Variants in ZW10 observed in about 807,000 individuals in gnomAD.
ZW10 encodes the protein centromere/kinetochore protein zw10 homolog.
A neutral mutation model predicts 87.8 loss-of-function variants in ZW10; 53 were observed. The ratio of observed to expected loss-of-function variants is 0.60; its 90% CI spans 0.48 to 0.76. The LOEUF is 0.76. Among genes scored for constraint, ZW10 ranks in the 30% least tolerant of loss-of-function variants. ZW10 has a pLI of 0.00. For synonymous variants in ZW10, 312 were observed against 329.2 expected (o/e 0.95, Z 0.57); for missense variants, 837 against 923.0 (o/e 0.91, Z 1.21).
At chr11:113,760,126 T>TCC in intron 5 of ZW10, 83 bp downstream of exon 5, 9 of 1,469,662 alleles carry the variant, frequency 6.1e-6, no homozygotes, top group Non-Finnish European at 8.3e-6. Flanking sequence ...CCTCATCTAC[T>TCC]AATACAAAAA....
At chr11:113,766,108 A>T (rs370285749) in intron 2 of ZW10, among the ~76,000 whole-genome samples, 1 of 152,122 alleles carries the variant, frequency 6.6e-6, no homozygotes, top group African/African-American at 2.4e-5. Flanking sequence ...CGGTGACTCA[A>T]GCCTGTAATC....
intron 1 of ZW10, among the ~76,000 whole-genome samples, chr11:113,773,253 C>T: frequency 6.6e-6 from 1 of 152,006 alleles, no homozygotes; most frequent in Admixed American, 6.5e-5. Flanking sequence ...TCCCGCGGCA[C>T]ACCCCTCCCC....
intron 11 of ZW10, among the ~76,000 whole-genome samples, chr11:113,739,910 TTA>T (rs776587113): frequency 3.9e-4 from 60 of 152,186 alleles, no homozygotes; most frequent in African/African-American, 9.9e-4. Context: ...ATCACAGCAT[TTA>T]TATGTTTTAA....
intron 14 of ZW10, among the ~76,000 whole-genome samples, chr11:113,737,286 T>C (rs1953564189): frequency 6.6e-6 from 1 of 152,190 alleles, no homozygotes; most frequent in Non-Finnish European, 1.5e-5. Context: ...ACTTGCAAAT[T>C]AAATGACTTT....
In ZW10 at chr11:113,760,195, G is replaced by A. The variant is rs1459661597; in HGVS notation, c.580+14C>T. ...GCAGATGAAGCAAAGCAGTCCACCT[G>A]AGGTCAGCAGCACCTTTTGATGGTG... On this transcript the variant is annotated intron_variant, in intron 5 of 15. Coordinates refer to ENST00000200135, the MANE Select transcript of ZW10 (RefSeq NM_004724.4). The A allele has an allele frequency of 6.2e-7, 1 of 1,612,048 alleles. No individual in the cohort carries two copies. Among genetic ancestry groups the A allele is most frequent in the South Asian group, 1.1e-5 (1 of 90,642 alleles).
At chr11:113,759,733 G>A (rs962091158) in intron 5 of ZW10, among the ~76,000 whole-genome samples, 1 of 152,168 alleles carries the variant, frequency 6.6e-6, no homozygotes, top group Non-Finnish European at 1.5e-5. Flanking sequence ...GGACTGGAAA[G>A]AAATTGAGCA....
At chr11:113,758,281 G>A (rs985239537) in intron 6 of ZW10, among the ~76,000 whole-genome samples, 28 of 150,972 alleles carry the variant, frequency 1.9e-4, no homozygotes, top group African/African-American at 5.4e-4. Context: ...ACCATTATGC[G>A]GTGCAGGTTT....
intron 7 of ZW10, chr11:113,751,201 C>T (rs560089897): frequency 1.6e-4 from 44 of 266,690 alleles, no homozygotes; most frequent in Non-Finnish European, 3.4e-4. Context: ...CCAGATCAGA[C>T]CATGCTGGCT....
At chr11:113,736,271 T>C (rs1212606281) in intron 15 of ZW10, among the ~76,000 whole-genome samples, 1 of 150,448 alleles carries the variant, frequency 6.6e-6, no homozygotes, top group Non-Finnish European at 1.5e-5. Flanking sequence ...TAAGACCATG[T>C]CTCAAAAAAA....
At chr11:113,759,720 C>G (rs1238916326) in intron 5 of ZW10, among the ~76,000 whole-genome samples, 2 of 152,122 alleles carry the variant, frequency 1.3e-5, no homozygotes, top group African/African-American at 4.8e-5. Context: ...TTATTTTCCC[C>G]AAGGACTGGA....
At chr11:113,768,010 T>C (rs1003840323) in intron 2 of ZW10, among the ~76,000 whole-genome samples, 1 of 152,184 alleles carries the variant, frequency 6.6e-6, no homozygotes, top group Non-Finnish European at 1.5e-5. Context: ...TCTAACTGTA[T>C]TACTCCTATT....
chr11:113,741,608 G>T, intron 11 of ZW10, 86 bp downstream of exon 11: 1 of 804,064 alleles, frequency 1.2e-6, no homozygotes. Flanking sequence ...TATCTTTAGT[G>T]GGAATATAAA....
At chr11:113,745,767 A>G (rs564524653) in intron 9 of ZW10, among the ~76,000 whole-genome samples, 1 of 152,338 alleles carries the variant, frequency 6.6e-6, no homozygotes, top group African/African-American at 2.4e-5. Context: ...AAACACAACT[A>G]TAGATCTTTT....
At chr11:113,763,588 G>C (rs1444931062) in intron 2 of ZW10, among the ~76,000 whole-genome samples, 1 of 152,106 alleles carries the variant, frequency 6.6e-6, no homozygotes, top group Admixed American at 6.5e-5. Context: ...ATCTCATTGT[G>C]GTTTTGATTT....
intron 7 of ZW10, among the ~76,000 whole-genome samples, chr11:113,749,688 T>G (rs1953715576): frequency 6.6e-6 from 1 of 152,258 alleles, no homozygotes; most frequent in South Asian, 2.1e-4. Flanking sequence ...ACGAGACCTC[T>G]CTGTAATTTT....
chr11:113,745,571 TG>T (rs1953669516), intron 9 of ZW10, among the ~76,000 whole-genome samples: 1 of 152,150 alleles, frequency 6.6e-6, no homozygotes, highest in Non-Finnish European at 1.5e-5. Flanking sequence ...ATTAGAATGA[TG>T]ATGAAAAAAT....
At position 113,733,823 on chromosome 11, in the gene ZW10, CG is replaced by C. The variant is rs1310593621; in HGVS notation, c.2220-10del. On this transcript the variant is annotated splice_polypyrimidine_tract_variant and intron_variant, in intron 15 of 15. Transcript: ENST00000200135. The stretch of plus-strand genomic sequence containing the variant: ...CTTTTCCATCTGCCCACCTGCAAAA[CG>C]AAAGATAGAGTTCCATTTCCTATTA... The C allele has an allele frequency of 1.9e-6, 3 of 1,590,592 alleles. No individual in the cohort carries two copies. In the African/African-American group the frequency reaches 4.1e-5, roughly 22 times the overall value.
intron 7 of ZW10, among the ~76,000 whole-genome samples, chr11:113,756,683 T>A (rs117365183): frequency 6.6e-6 from 1 of 152,216 alleles, no homozygotes; most frequent in Non-Finnish European, 1.5e-5. Flanking sequence ...GCATTCAGAT[T>A]GGCTATCTGA....
rs1591410559 is a variant in ZW10 at position 113,741,611 on chromosome 11, A to G, written c.1583+83T>C. The G allele has an allele frequency of 4.3e-5, 36 of 829,924 alleles. No homozygotes were observed. The East Asian group carries it at 1.0e-3, about 24-fold the overall frequency. The allele number at this position is 829,924 out of a possible 1,614,324, so 51.4% of individuals were successfully genotyped here. ...TAGTAAACAAAATATCTTTAGTGGG[A>G]ATATAAAATTATTTGTTTTAACTTA... On this transcript the variant is annotated intron_variant, in intron 11 of 15. Coordinates refer to ENST00000200135, the MANE Select transcript of ZW10 (RefSeq NM_004724.4).
Sources: allele counts gnomAD v4.1 joint callset (sites outside exome capture counted in the v4.1 genomes callset), GRCh38; gene constraint gnomAD v4.1.1; transcripts MANE v1.5; gene names NCBI Gene and HGNC (gene_info 2026-07-23, HGNC 2026-07-21).